The following SPATA17 variants were observed in gnomAD, a reference collection of about 807,000 sequenced individuals.
SPATA17 encodes spermatogenesis associated 17.
In SPATA17, 53 loss-of-function variants were observed where a neutral mutation model predicts 62.2. The observed-to-expected ratio is 0.85, with a 90% CI of 0.68 to 1.07. The LOEUF (loss-of-function observed/expected upper bound fraction) is 1.07. Among genes scored for constraint, SPATA17 ranks in the 50% least tolerant of loss-of-function variants. The pLI is 0.00. For synonymous variants in SPATA17, 146 were observed against 146.8 expected (o/e 0.99, Z 0.04); for missense variants, 466 against 425.5 (o/e 1.10, Z -0.84).
chr1:217,636,150 A>C (rs917437037), intron 1 of SPATA17, among the ~76,000 whole-genome samples: 2 of 147,046 alleles, frequency 1.4e-5, no homozygotes, highest in East Asian at 4.3e-4. Flanking sequence ...AAAAAAAAAA[A>C]GGGTGTTTTC....
chr1:217,633,720 A>G (rs1669873327), intron 1 of SPATA17, among the ~76,000 whole-genome samples: 1 of 152,208 alleles, frequency 6.6e-6, no homozygotes, highest in Admixed American at 6.5e-5. Context: ...GAGTTGTGGG[A>G]AACAATTTAA....
At chr1:217,719,828 A>C (rs12118689) in intron 5 of SPATA17, among the ~76,000 whole-genome samples, 1 of 151,986 alleles carries the variant, frequency 6.6e-6, no homozygotes, top group Admixed American at 6.6e-5. Context: ...TCAGACTTCA[A>C]TGGAGAGGAT....
intron 8 of SPATA17, among the ~76,000 whole-genome samples, chr1:217,797,677 G>A (rs1674182843): frequency 6.6e-6 from 1 of 152,078 alleles, no homozygotes; most frequent in African/African-American, 2.4e-5. Flanking sequence ...TTAAATCAAT[G>A]TCATTTACCC....
intron 4 of SPATA17, among the ~76,000 whole-genome samples, chr1:217,673,849 G>A (rs191292320): frequency 1.4e-4 from 21 of 152,218 alleles, no homozygotes; most frequent in Non-Finnish European, 1.9e-4. Context: ...GTAGAGGTTC[G>A]TGGAATTGTT....
At chr1:217,746,843 G>C (rs1365827909) in intron 6 of SPATA17, among the ~76,000 whole-genome samples, 1 of 151,914 alleles carries the variant, frequency 6.6e-6, no homozygotes, top group Non-Finnish European at 1.5e-5. Context: ...AAAAGTTCAA[G>C]TCATATTAAA....
chr1:217,751,654 G>A (rs572306408), intron 6 of SPATA17, among the ~76,000 whole-genome samples: 1 of 152,272 alleles, frequency 6.6e-6, no homozygotes, highest in East Asian at 1.9e-4. Context: ...AGTTCTCTTT[G>A]AAGAGACAGA....
rs1200436080 is a variant in SPATA17 at position 217,690,758 on chromosome 1, C to T, written c.395+7397C>T. 1.4e-4 allele frequency among the ~76,000 whole-genome samples: 18 copies of T among 124,166 alleles called. 1 individual carries two copies. Among genetic ancestry groups the T allele is most frequent in the South Asian group, 1.1e-3 (4 of 3,602 alleles). The allele number at this position is 124,166 out of a possible 152,430, so 81.5% of individuals were successfully genotyped here. A position where few individuals can be genotyped will look rare whatever the true frequency, so the allele number is the denominator to read the frequency against. The stretch of plus-strand genomic sequence containing the variant: ...TGCGGTGTTTGGTTTTTTGTTCTTG[C>T]GATAGTTTACTGAGAATGATGGTTT... On this transcript the variant is annotated intron_variant, in intron 5 of 10. Transcript: ENST00000366933.
chr1:217,748,025 C>T (rs1386279604), intron 6 of SPATA17, among the ~76,000 whole-genome samples: 10 of 152,022 alleles, frequency 6.6e-5, no homozygotes, highest in Non-Finnish European at 7.4e-5. Flanking sequence ...TAAACTTGGC[C>T]GGGCGCGGTG....
At chr1:217,764,168 G>A (rs565177989) in intron 6 of SPATA17, among the ~76,000 whole-genome samples, 2 of 152,152 alleles carry the variant, frequency 1.3e-5, no homozygotes, top group East Asian at 1.9e-4. Context: ...AATCTATAAT[G>A]ACATATATCC....
chr1:217,757,134 G>C (rs1251392522), intron 6 of SPATA17, among the ~76,000 whole-genome samples: 1 of 152,172 alleles, frequency 6.6e-6, no homozygotes, highest in East Asian at 1.9e-4. Context: ...CCAAAGTGCT[G>C]TTATGGAATA....
At chr1:217,751,003 T>C (rs1456595938) in intron 6 of SPATA17, among the ~76,000 whole-genome samples, 4 of 152,180 alleles carry the variant, frequency 2.6e-5, no homozygotes, top group Admixed American at 6.5e-5. Context: ...AAACCTTACA[T>C]GGAAGGAACT....
intron 5 of SPATA17, among the ~76,000 whole-genome samples, chr1:217,712,429 A>G (rs1408227999): frequency 6.6e-6 from 1 of 151,996 alleles, no homozygotes; most frequent in Admixed American, 6.6e-5. Context: ...CCTGGCCTAC[A>G]ATATGTTCTT....
intron 8 of SPATA17, among the ~76,000 whole-genome samples, chr1:217,794,190 T>C (rs1674078134): frequency 6.7e-6 from 1 of 149,478 alleles, no homozygotes; most frequent in Non-Finnish European, 1.5e-5. Flanking sequence ...TATTGGGGAG[T>C]CATTCATTAG....
At chr1:217,662,396 A>C (rs1670590724) in intron 3 of SPATA17, among the ~76,000 whole-genome samples, 1 of 152,156 alleles carries the variant, frequency 6.6e-6, no homozygotes, top group Non-Finnish European at 1.5e-5. Context: ...AATTTAATTA[A>C]ATTTTTTGTT....
chr1:217,756,782 A>G (rs554058595), intron 6 of SPATA17, among the ~76,000 whole-genome samples: 2 of 152,286 alleles, frequency 1.3e-5, no homozygotes, highest in African/African-American at 4.8e-5. Context: ...AAAAAGAACA[A>G]TGAAGAGAGG....
rs146142890 is a variant in SPATA17 at position 217,802,757 on chromosome 1, T to C, written c.1005+907T>C. Reference sequence around the variant, plus strand: ...TGAATTCTAGGGAAACACAATTCAGTTCATAGCCTTCCATTCCTGGCCCCC... The same window carrying C: ...TGAATTCTAGGGAAACACAATTCAGCTCATAGCCTTCCATTCCTGGCCCCC... On this transcript the variant is annotated intron_variant, in intron 9 of 10. Transcript: ENST00000366933. Among the ~76,000 whole-genome samples, 525 of 152,258 alleles carry C rather than the reference T, an allele frequency of 3.4e-3. 2 individuals carry two copies. The highest frequency in any genetic ancestry group is 0.017 in the Middle Eastern group (5 of 294).
chr1:217,720,105 C>CTT (rs1263561560), intron 5 of SPATA17, among the ~76,000 whole-genome samples: 1 of 152,228 alleles, frequency 6.6e-6, no homozygotes, highest in Non-Finnish European at 1.5e-5. Context: ...AGGGGTAACA[C>CTT]TTTCCCCAGT....
At chr1:217,860,974 C>G (rs1024491045) in intron 9 of SPATA17, among the ~76,000 whole-genome samples, 1 of 152,024 alleles carries the variant, frequency 6.6e-6, no homozygotes, top group Non-Finnish European at 1.5e-5. Context: ...CTCAGCATAT[C>G]AAAATTTTTC....
intron 9 of SPATA17, among the ~76,000 whole-genome samples, chr1:217,842,079 A>G (rs1035045527): frequency 2.6e-5 from 4 of 152,088 alleles, no homozygotes; most frequent in African/African-American, 9.6e-5. Flanking sequence ...CATCTATGAG[A>G]TGATCATGTG....
Sources: allele counts gnomAD v4.1 joint callset (sites outside exome capture counted in the v4.1 genomes callset), GRCh38; gene constraint gnomAD v4.1.1; transcripts MANE v1.5; gene names NCBI Gene and HGNC (gene_info 2026-07-23, HGNC 2026-07-21).